VAV2: variants seen among roughly 807,000 people sequenced by gnomAD.
The protein encoded by VAV2 is guanine nucleotide exchange factor VAV2.
In VAV2, 67 loss-of-function variants were observed where a neutral mutation model predicts 132.5. The observed-to-expected ratio is 0.51, with a 90% confidence interval of 0.42 to 0.62. The LOEUF (loss-of-function observed/expected upper bound fraction) is 0.62. Ranked by LOEUF, VAV2 falls within the 20% of genes least tolerant of loss-of-function variation. The pLI is 0.00. For synonymous variants in VAV2, 492 were observed against 443.5 expected, an observed-to-expected ratio of 1.11 and a Z score of -1.37; for missense variants, 938 against 1,153.6, an observed-to-expected ratio of 0.81 and a Z score of 2.71.
At chr9:133,878,998 G>A (rs898164679) in intron 2 of VAV2, among the ~76,000 whole-genome samples, 2 of 152,218 alleles carry the variant, frequency 1.3e-5, no homozygotes, top group Non-Finnish European at 2.9e-5. Context: ...GGAGCATGGT[G>A]GGGCAGGGGC....
chr9:133,800,087 G>A (rs761735384), intron 9 of VAV2, among the ~76,000 whole-genome samples: 1 of 152,204 alleles, frequency 6.6e-6, no homozygotes, highest in Non-Finnish European at 1.5e-5. Flanking sequence ...AGAGAGCCCC[G>A]TAGCTGAGAA....
chr9:133,782,100 C>T (rs1012373297), intron 19 of VAV2, among the ~76,000 whole-genome samples: 10 of 130,762 alleles, frequency 7.6e-5, no homozygotes, highest in South Asian at 2.5e-4. Context: ...AATAATCCGG[C>T]GGGGGCGGGG....
At chr9:133,979,960 C>T (rs1392358435) in intron 1 of VAV2, among the ~76,000 whole-genome samples, 2 of 152,238 alleles carry the variant, frequency 1.3e-5, no homozygotes, top group Non-Finnish European at 2.9e-5. Context: ...ATTCTGTGCC[C>T]CCTCCAGAAA....
At chr9:133,971,085 A>T (rs1157534088) in intron 1 of VAV2, among the ~76,000 whole-genome samples, 2 of 152,138 alleles carry the variant, frequency 1.3e-5, no homozygotes, top group East Asian at 3.8e-4. Context: ...GGGAGTGGGG[A>T]CACCAAGGTC....
intron 10 of VAV2, among the ~76,000 whole-genome samples, chr9:133,796,756 C>T (rs771953628): frequency 2.6e-5 from 4 of 152,180 alleles, no homozygotes; most frequent in African/African-American, 9.7e-5. Context: ...CACACTGGGA[C>T]GCAGTGAGAC....
At chr9:133,780,666 A>C in intron 20 of VAV2, 28 bp downstream of exon 20, 1 of 1,286,598 alleles carries the variant, frequency 7.8e-7, no homozygotes, top group Non-Finnish European at 9.9e-7. Context: ...GGTGGGGCAG[A>C]GGGAGGGGAA....
intron 1 of VAV2, among the ~76,000 whole-genome samples, chr9:133,989,339 CAAA>C (rs34368097): frequency 4.7e-5 from 5 of 107,220 alleles, no homozygotes; most frequent in Admixed American, 9.4e-5. Flanking sequence ...AACTCCATCT[CAAA>C]AAAAAAAAAA....
At chr9:133,781,044 T>C (rs748228014) in intron 19 of VAV2, among the ~76,000 whole-genome samples, 1 of 152,056 alleles carries the variant, frequency 6.6e-6, no homozygotes, top group African/African-American at 2.4e-5. Context: ...GATCATGGGG[T>C]GGTACCTGGC....
At chr9:133,847,821 C>T (rs962487786) in intron 3 of VAV2, among the ~76,000 whole-genome samples, 1 of 152,116 alleles carries the variant, frequency 6.6e-6, no homozygotes, top group Non-Finnish European at 1.5e-5. Context: ...CACGCCTGGT[C>T]GTGGCTGCTA....
intron 13 of VAV2, among the ~76,000 whole-genome samples, chr9:133,789,704 C>T (rs1052097310): frequency 2.7e-5 from 4 of 148,294 alleles, no homozygotes; most frequent in East Asian, 2.1e-4. Context: ...CCAAGCCCCA[C>T]GTTCAGGAGA....
chr9:133,910,417 C>T (rs905438705), intron 2 of VAV2, among the ~76,000 whole-genome samples: 3 of 152,078 alleles, frequency 2.0e-5, no homozygotes, highest in Non-Finnish European at 2.9e-5. Context: ...AAGGGGGCAC[C>T]GTGCGGTGGG....
chr9:133,828,814 C>T (rs1033526471), intron 4 of VAV2, among the ~76,000 whole-genome samples: 8 of 152,224 alleles, frequency 5.3e-5, no homozygotes, highest in Admixed American at 1.3e-4. Flanking sequence ...ATGGGGAGCC[C>T]CACCTTGCCC....
At chr9:133,855,955 A>C (rs371043546) in intron 3 of VAV2, among the ~76,000 whole-genome samples, 1 of 152,222 alleles carries the variant, frequency 6.6e-6, no homozygotes, top group Non-Finnish European at 1.5e-5. Flanking sequence ...CTAGCCACAC[A>C]CTGGAATGTT....
rs1833558902 is a variant in VAV2 at position 133,769,890 on chromosome 9, G to C, written c.2348-387C>G. On this transcript the variant is annotated intron_variant, in intron 27 of 29. Transcript: ENST00000371850. This position sits in a 1 kb window ranked among gnomAD's most constrained non-coding sequence, Gnocchi z 8.1. ...GGCTGGAGGACGTGGGGTGACTCTGGAGAGAGTCCTGAGCGGGAAGCCGCA... is the reference window on the plus strand; with the variant it reads ...GGCTGGAGGACGTGGGGTGACTCTGCAGAGAGTCCTGAGCGGGAAGCCGCA... Among the ~76,000 whole-genome samples the C allele has an allele frequency of 6.6e-6, 1 of 152,198 alleles. No individual in the cohort carries two copies. The highest frequency in any genetic ancestry group is 2.1e-4 in the South Asian group (1 of 4,832).
chr9:133,792,995 A>G (rs1006005788), intron 12 of VAV2, among the ~76,000 whole-genome samples: 24 of 152,020 alleles, frequency 1.6e-4, no homozygotes, highest in Non-Finnish European at 3.5e-4. Context: ...AGCCACCTAG[A>G]CTTGGGCTGA....
At chr9:133,845,359 C>A (rs939108737) in intron 3 of VAV2, among the ~76,000 whole-genome samples, 1 of 152,198 alleles carries the variant, frequency 6.6e-6, no homozygotes, top group East Asian at 1.9e-4. Flanking sequence ...AGCAAACACT[C>A]GGAAGCTGGG....
chr9:133,846,114 G>C (rs1266113819), intron 3 of VAV2, among the ~76,000 whole-genome samples: 1 of 152,196 alleles, frequency 6.6e-6, no homozygotes, highest in East Asian at 1.9e-4. Flanking sequence ...ACAAGATGGG[G>C]TTCCGTCTCC....
At chr9:133,914,164 G>A (rs894478881) in intron 2 of VAV2, among the ~76,000 whole-genome samples, 21 of 152,312 alleles carry the variant, frequency 1.4e-4, no homozygotes, top group South Asian at 4.1e-4. Context: ...CTGGGGCTTC[G>A]AGACAGATGT....
At chr9:133,982,297 A>G (rs982467584) in intron 1 of VAV2, among the ~76,000 whole-genome samples, 1 of 152,234 alleles carries the variant, frequency 6.6e-6, no homozygotes, top group Non-Finnish European at 1.5e-5. Flanking sequence ...CCTCCAGGGC[A>G]GGAGCACCAA....
Sources: gnomAD v4.1 joint callset for allele counts (sites outside exome capture counted in the v4.1 genomes callset) on GRCh38, gnomAD v4.1.1 for gene constraint, Gnocchi (gnomAD v3.1) non-coding constraint, MANE v1.5 for transcripts, NCBI Gene and HGNC (gene_info 2026-07-23, HGNC 2026-07-21) for gene names.